CNTN3: variants seen among roughly 807,000 people sequenced by gnomAD.
CNTN3 encodes the protein contactin-3.
Under a neutral mutation model 119.1 loss-of-function variants are expected in CNTN3, and 60 were observed. That is an observed-to-expected ratio of 0.50 (90% CI 0.41 to 0.62). CNTN3 has a LOEUF of 0.62. Among genes scored for constraint, CNTN3 ranks in the 20% least tolerant of loss-of-function variants. The pLI, the probability that CNTN3 is intolerant of heterozygous loss-of-function variation, is 0.00. For missense variants in CNTN3, 1,101 were observed against 1,242.4 expected (o/e 0.89, Z 1.71); for synonymous variants, 450 against 438.7 (o/e 1.03, Z -0.32).
intron 19 of CNTN3, among the ~76,000 whole-genome samples, chr3:74,292,648 C>T (rs2106797691): frequency 6.6e-6 from 1 of 152,290 alleles, no homozygotes; most frequent in East Asian, 1.9e-4. Flanking sequence ...TCCAATCCTC[C>T]CAATATCCTA....
At chr3:74,536,831 A>G (rs1218864869) in intron 1 of CNTN3, among the ~76,000 whole-genome samples, 4 of 152,138 alleles carry the variant, frequency 2.6e-5, no homozygotes, top group Non-Finnish European at 4.4e-5. Flanking sequence ...TTCTCAAGGT[A>G]CTTAGAATCT....
chr3:74,458,741 T>C (rs1559613604), intron 4 of CNTN3, among the ~76,000 whole-genome samples: 1 of 152,104 alleles, frequency 6.6e-6, no homozygotes, highest in African/African-American at 2.4e-5. Flanking sequence ...TATGGGATGA[T>C]GGAACTATTC....
At chr3:74,611,026 A>T (rs1476782606) in intron 1 of CNTN3, among the ~76,000 whole-genome samples, 1 of 152,170 alleles carries the variant, frequency 6.6e-6, no homozygotes, top group Non-Finnish European at 1.5e-5. Context: ...GACTTAAAAA[A>T]CAAATGGGAC....
intron 2 of CNTN3, among the ~76,000 whole-genome samples, chr3:74,519,320 TATG>T (rs1307652726): frequency 1.3e-5 from 2 of 151,886 alleles, no homozygotes; most frequent in Non-Finnish European, 1.5e-5. Context: ...TTAAATTCTT[TATG>T]ATGTCTTCAC....
intron 1 of CNTN3, among the ~76,000 whole-genome samples, chr3:74,556,106 T>C (rs1327028811): frequency 6.6e-6 from 1 of 152,210 alleles, no homozygotes; most frequent in Non-Finnish European, 1.5e-5. Flanking sequence ...CTTCTTATTA[T>C]GGTGATAATG....
At chr3:74,520,808 A>C (rs1385128383) in intron 2 of CNTN3, among the ~76,000 whole-genome samples, 1 of 151,814 alleles carries the variant, frequency 6.6e-6, no homozygotes, top group Admixed American at 6.6e-5. Flanking sequence ...CCAAAGCATA[A>C]TATTACAGTA....
intron 4 of CNTN3, among the ~76,000 whole-genome samples, chr3:74,452,869 C>T (rs1166318769): frequency 1.3e-5 from 2 of 151,944 alleles, no homozygotes; most frequent in Non-Finnish European, 2.9e-5. Context: ...ATGAAGCCCA[C>T]TTGATCATGG....
chr3:74,336,699 C>A, intron 11 of CNTN3, 41 bp from the exon 12 acceptor site: 1 of 1,474,236 alleles, frequency 6.8e-7, no homozygotes. Context: ...ATATAATAGC[C>A]ATTTTTTTTC....
chr3:74,374,606 A>T (rs1188541576), intron 5 of CNTN3, among the ~76,000 whole-genome samples: 1 of 152,058 alleles, frequency 6.6e-6, no homozygotes, highest in Admixed American at 6.6e-5. Context: ...TGAAGGCAAG[A>T]CAGCAACCCA....
intron 1 of CNTN3, among the ~76,000 whole-genome samples, chr3:74,550,681 G>A (rs953228218): frequency 1.3e-5 from 2 of 152,156 alleles, no homozygotes; most frequent in Non-Finnish European, 2.9e-5. Context: ...TGGGACTACA[G>A]GCATGTGCCA....
At chr3:74,365,424 C>G in intron 9 of CNTN3, 142 bp downstream of exon 9, 2 of 1,064,284 alleles carry the variant, frequency 1.9e-6, no homozygotes, top group Non-Finnish European at 2.8e-6. Context: ...TCCTGTACCA[C>G]TGCTTAGAAG....
intron 19 of CNTN3, among the ~76,000 whole-genome samples, chr3:74,291,471 G>A (rs1702228732): frequency 6.6e-6 from 1 of 152,250 alleles, no homozygotes; most frequent in Admixed American, 6.5e-5. Context: ...TTGAGGAATT[G>A]CCACACTGTC....
intron 1 of CNTN3, among the ~76,000 whole-genome samples, chr3:74,568,434 A>G (rs532228490): frequency 6.6e-6 from 1 of 152,186 alleles, no homozygotes; most frequent in Admixed American, 6.5e-5. Flanking sequence ...GTATATCTGG[A>G]AACAGTAAAC....
intron 5 of CNTN3, among the ~76,000 whole-genome samples, chr3:74,418,710 G>T (rs923498413): frequency 1.3e-5 from 2 of 151,686 alleles, no homozygotes; most frequent in African/African-American, 4.8e-5. Context: ...TTTTTATTTT[G>T]ACACTACCTA....
chr3:74,304,343 G>A (rs997198259), intron 13 of CNTN3, among the ~76,000 whole-genome samples: 6 of 152,104 alleles, frequency 3.9e-5, no homozygotes, highest in Admixed American at 1.3e-4. Flanking sequence ...TGTATCCCCA[G>A]GACAAAAACC....
chr3:74,588,608 T>G (rs1704641270), intron 1 of CNTN3, among the ~76,000 whole-genome samples: 1 of 152,036 alleles, frequency 6.6e-6, no homozygotes, highest in African/African-American at 2.4e-5. Flanking sequence ...AAAACTACTT[T>G]AACGTTCCTA....
At chr3:74,383,521 T>C (rs1704674287) in intron 5 of CNTN3, among the ~76,000 whole-genome samples, 1 of 152,194 alleles carries the variant, frequency 6.6e-6, no homozygotes, top group South Asian at 2.1e-4. Flanking sequence ...GGTCTCACTC[T>C]GTTGCCCAGG....
At chr3:74,497,509 C>G (rs1703086386) in intron 3 of CNTN3, among the ~76,000 whole-genome samples, 1 of 151,812 alleles carries the variant, frequency 6.6e-6, no homozygotes, top group Non-Finnish European at 1.5e-5. Context: ...ATGAAACGAG[C>G]TTCTCTTGTG....
chr3:74,421,428 C>T (rs1701614608), intron 5 of CNTN3, among the ~76,000 whole-genome samples: 1 of 152,080 alleles, frequency 6.6e-6, no homozygotes, highest in Non-Finnish European at 1.5e-5. Context: ...CCTCGGCCTC[C>T]CAAAGTGCTG....
Sources: allele counts gnomAD v4.1 joint callset (sites outside exome capture counted in the v4.1 genomes callset), GRCh38; gene constraint gnomAD v4.1.1; transcripts MANE v1.5; gene names NCBI Gene and HGNC (gene_info 2026-07-23, HGNC 2026-07-21).